NPLOC4: variants seen among roughly 807,000 people sequenced by gnomAD.
NPLOC4 encodes NPL4 homolog, ubiquitin recognition factor.
Under a neutral mutation model 80.6 loss-of-function variants are expected in NPLOC4, and 18 were observed. The observed-to-expected ratio is 0.22, with a 90% confidence interval of 0.15 to 0.33. The LOEUF is 0.33. Among genes scored for constraint, NPLOC4 ranks in the 10% least tolerant of loss-of-function variants. NPLOC4 has a pLI of 1.00. For missense variants in NPLOC4, 540 were observed against 786.1 expected (o/e 0.69, Z 3.74); for synonymous variants, 313 against 301.5 (o/e 1.04, Z -0.39).
chr17:81,568,718 C>G (rs1271182022), intron 14 of NPLOC4, among the ~76,000 whole-genome samples: 3 of 152,236 alleles, frequency 2.0e-5, no homozygotes, highest in African/African-American at 4.8e-5. Flanking sequence ...CAGGCCAAAC[C>G]AACAGTGACG....
chr17:81,599,726 A>T (rs535355490), intron 9 of NPLOC4, among the ~76,000 whole-genome samples: 1 of 152,356 alleles, frequency 6.6e-6, no homozygotes, highest in South Asian at 2.1e-4. Flanking sequence ...GTTCCTGGGA[A>T]CTGTATCAAT....
chr17:81,621,764 C>T (rs2035674208), intron 3 of NPLOC4, among the ~76,000 whole-genome samples: 1 of 152,188 alleles, frequency 6.6e-6, no homozygotes, highest in African/African-American at 2.4e-5. Flanking sequence ...ATGACCAACT[C>T]TACAGGGTGG....
At chr17:81,564,719 T>C (rs9890121) in intron 16 of NPLOC4, 22,356 of 144,700 alleles carry the variant, frequency 0.15, 1,990 homozygotes, top group Admixed American at 0.25. Flanking sequence ...ACCCAGGAGG[T>C]GGAGGTTGCA....
At chr17:81,604,407 C>T in intron 8 of NPLOC4, 141 bp downstream of exon 8, 8 of 690,232 alleles carry the variant, frequency 1.2e-5, no homozygotes, top group Non-Finnish European at 1.9e-5. Flanking sequence ...TCCAATAACT[C>T]AGAAAATGTT....
chr17:81,613,584 C>A, intron 3 of NPLOC4, 90 bp from the exon 4 acceptor site: 2 of 1,237,206 alleles, frequency 1.6e-6, no homozygotes, highest in African/African-American at 1.5e-5. Context: ...AAGCAAATGC[C>A]AACCACCCCT....
rs1282397086 is a variant in NPLOC4, at chr17:81,580,811, C to T, written c.1281+8133G>A. ...TCTCTAAACATGAGAGAATGGATGC[C>T]GTGAGAGCATCGCACAGTGAATCAG... On this transcript the variant is annotated intron_variant, in intron 12 of 16. Transcript: ENST00000331134. The surrounding 1 kb of genome is among the most constrained non-coding windows in gnomAD (Gnocchi z 4.4). Among the ~76,000 whole-genome samples, 4 of 152,184 alleles carry T rather than the reference C, an allele frequency of 2.6e-5. No homozygotes were observed. Among genetic ancestry groups the T allele is most frequent in the Admixed American group, 6.5e-5 (1 of 15,282 alleles).
chr17:81,600,575 T>C (rs963838766), intron 8 of NPLOC4, 148 bp from the exon 9 acceptor site: 9 of 634,836 alleles, frequency 1.4e-5, no homozygotes, highest in Admixed American at 5.1e-5. Flanking sequence ...ATAAAACACA[T>C]GCGACACGCC....
chr17:81,576,472 C>CA (rs1488056929), intron 12 of NPLOC4, among the ~76,000 whole-genome samples: 2 of 152,140 alleles, frequency 1.3e-5, no homozygotes, highest in Non-Finnish European at 2.9e-5. Flanking sequence ...GGCGTGAGTG[C>CA]ATGTGGACTT....
chr17:81,558,548 A>AG lies in NPLOC4; in HGVS notation c.*710dup, dbSNP rs2033726088. 1 of 152,190 alleles carries AG rather than the reference A, an allele frequency of 6.6e-6. No homozygotes were observed. The highest frequency in any genetic ancestry group is 2.4e-5 in the African/African-American group (1 of 41,448). The allele number at this position is 152,190 out of a possible 1,614,324, so 9.4% of individuals were successfully genotyped here. On this transcript the variant is annotated 3_prime_UTR_variant, in exon 17 of 17. Coordinates refer to ENST00000331134, the MANE Select transcript of NPLOC4 (RefSeq NM_017921.4). ...TAAAGGAGGGAAGGATGTGGAAACT[A>AG]GTCTCTCTCACTCCCCTTTTGTGCA...
rs1284085218 is a variant in NPLOC4 at position 81,637,093 on chromosome 17, C to G, written c.-163G>C. ...GCCCGGCTCCGCCAGCCGCCGACGT[C>G]CCGGTGCCTCGCTCAATACGCTCCC... is the stretch of plus-strand genomic sequence containing the variant. On this transcript the variant is annotated 5_prime_UTR_variant, in exon 1 of 17. Transcript: ENST00000331134. 2.7e-6 allele frequency: 1 copy of G among 366,890 alleles called. No homozygotes were observed. Among genetic ancestry groups the G allele is most frequent in the Non-Finnish European group, 4.7e-6 (1 of 212,698 alleles). 22.7% of individuals were successfully genotyped at this position (366,890 alleles called of 1,614,324 possible).
chr17:81,620,611 A>G (rs544171406), intron 3 of NPLOC4, among the ~76,000 whole-genome samples: 2 of 152,306 alleles, frequency 1.3e-5, no homozygotes, highest in African/African-American at 4.8e-5. Context: ...GGTGACACAT[A>G]AGGTTCATCC....
At chr17:81,596,360 C>A (rs1343921105) in intron 10 of NPLOC4, 118 bp from the exon 11 acceptor site, 1 of 1,202,824 alleles carries the variant, frequency 8.3e-7, no homozygotes, top group Admixed American at 2.3e-5. Context: ...CTAATTCCAG[C>A]ACTTTGAGAG....
intron 12 of NPLOC4, among the ~76,000 whole-genome samples, chr17:81,579,835 C>A (rs1323496803): frequency 2.0e-5 from 3 of 152,098 alleles, no homozygotes; most frequent in Non-Finnish European, 2.9e-5. Context: ...GCAGTGAAAC[C>A]CCCCGAAAGA....
At chr17:81,595,390 C>A (rs1286299602) in intron 11 of NPLOC4, among the ~76,000 whole-genome samples, 1 of 145,058 alleles carries the variant, frequency 6.9e-6, no homozygotes, top group Non-Finnish European at 1.5e-5. Context: ...GCCGAGATTG[C>A]GCCACTGCAC....
intron 2 of NPLOC4, among the ~76,000 whole-genome samples, chr17:81,627,854 G>A (rs1325570290): frequency 6.6e-6 from 1 of 150,804 alleles, no homozygotes; most frequent in East Asian, 2.0e-4. Context: ...GAGAACTGCT[G>A]GAACCCAGGA....
intron 2 of NPLOC4, among the ~76,000 whole-genome samples, chr17:81,626,130 C>G (rs1291140513): frequency 6.9e-6 from 1 of 145,224 alleles, no homozygotes; most frequent in Non-Finnish European, 1.5e-5. Context: ...GCCCAAGCGA[C>G]AGAGTGAGAC....
At position 81,572,685 on chromosome 17, in the gene NPLOC4, T is replaced by C. The variant is rs2034193267; in HGVS notation, c.1282-597A>G. On this transcript the variant is annotated intron_variant, in intron 12 of 16. Transcript: ENST00000331134. This position sits in a 1 kb window ranked among gnomAD's most constrained non-coding sequence, Gnocchi z 4.5. ...ACATCAAATGCCTCCTCTCCACCCA[T>C]GGCGCTTGGCCTGGCACTCAGGCGC... is the stretch of plus-strand genomic sequence containing the variant. Among the ~76,000 whole-genome samples, 1 of 152,198 alleles carries C rather than the reference T, an allele frequency of 6.6e-6. No individual in the cohort carries two copies. Among genetic ancestry groups the C allele is most frequent in the South Asian group, 2.1e-4 (1 of 4,836 alleles).
chr17:81,575,454 C>A (rs996120455), intron 12 of NPLOC4, among the ~76,000 whole-genome samples: 1 of 152,166 alleles, frequency 6.6e-6, no homozygotes, highest in African/African-American at 2.4e-5. Flanking sequence ...CCGTGTGCAA[C>A]GACTGGATGC....
chr17:81,560,767 A>C (rs931587666), intron 16 of NPLOC4: 2 of 152,212 alleles, frequency 1.3e-5, no homozygotes, highest in African/African-American at 4.8e-5. Context: ...TGTGTGCTGA[A>C]CTTTCTAAGA....
Sources: gnomAD v4.1 joint callset for allele counts (sites outside exome capture counted in the v4.1 genomes callset) on GRCh38, gnomAD v4.1.1 for gene constraint, Gnocchi (gnomAD v3.1) non-coding constraint, MANE v1.5 for transcripts, NCBI Gene and HGNC (gene_info 2026-07-23, HGNC 2026-07-21) for gene names.